Variants in ACACA observed in about 807,000 individuals in gnomAD.
The protein encoded by ACACA is acetyl-CoA carboxylase alpha.
ACACA carries 103 observed loss-of-function variants against 296.1 expected under a neutral mutation model. The ratio of observed to expected loss-of-function variants is 0.35; its 90% CI spans 0.30 to 0.41. The LOEUF is 0.41. ACACA is among the 10% of genes least tolerant of loss of function. ACACA has a pLI of 1.00. For missense variants in ACACA, 1,554 were observed against 2,989.7 expected (o/e 0.52, Z 11.20); for synonymous variants, 953 against 1,038.6 (o/e 0.92, Z 1.58).
chr17:37,362,651 T>C (rs1322131087), intron 1 of ACACA, among the ~76,000 whole-genome samples: 5 of 152,186 alleles, frequency 3.3e-5, no homozygotes, highest in Admixed American at 3.3e-4. Context: ...TCTCAAAGCA[T>C]GTCCCACTAA....
At chr17:37,372,688 T>TA (rs2049852475) in intron 1 of ACACA, among the ~76,000 whole-genome samples, 1 of 152,178 alleles carries the variant, frequency 6.6e-6, no homozygotes, top group Admixed American at 6.6e-5. Context: ...CTGAACTGCA[T>TA]ATGTCATAAA....
chr17:37,366,861 T>C (rs1568061272), intron 1 of ACACA: 1 of 151,860 alleles, frequency 6.6e-6, no homozygotes. Flanking sequence ...GCCAAGGCAA[T>C]AGGGTTACCT....
At chr17:37,379,062 G>A in intron 1 of ACACA, 2 of 1,482,202 alleles carry the variant, frequency 1.3e-6, no homozygotes, top group Non-Finnish European at 9.0e-7. Context: ...ACAGAGCAAG[G>A]CACCGTCTCA....
intron 41 of ACACA, among the ~76,000 whole-genome samples, chr17:37,169,780 T>G (rs2076816024): frequency 6.6e-6 from 1 of 152,150 alleles, no homozygotes; most frequent in Admixed American, 6.5e-5. Flanking sequence ...TCCCTCTTTT[T>G]GGGGGTCTTC....
intron 1 of ACACA, among the ~76,000 whole-genome samples, chr17:37,405,098 T>C (rs534674135): frequency 3.9e-5 from 6 of 152,220 alleles, no homozygotes; most frequent in Non-Finnish European, 8.8e-5. Context: ...GCTTCTCTTC[T>C]AGGATAGTTT....
At position 37,223,492 on chromosome 17, in the gene ACACA, C is replaced by T. The variant is rs142810733; in HGVS notation, c.3564+20G>A. 3.7e-5 allele frequency: 57 copies of T among 1,544,348 alleles called. No homozygotes were observed. The African/African-American group carries it at 6.1e-4, about 17-fold the overall frequency. On this transcript the variant is annotated intron_variant, in intron 28 of 55. Coordinates refer to ENST00000616317, the MANE Select transcript of ACACA (RefSeq NM_198834.3). ...TAGAAACAAAGGAAAAGGTCATGTCCCATTACCATAAATACTTACCTCCAG... is the reference window on the plus strand; with the variant it reads ...TAGAAACAAAGGAAAAGGTCATGTCTCATTACCATAAATACTTACCTCCAG...
Position 37,113,390 on chromosome 17 carries a change from C to T in ACACA, c.6275-125G>A. The T allele has an allele frequency of 1.1e-6, 1 of 938,006 alleles. No homozygotes were observed. Among genetic ancestry groups the T allele is most frequent in the Non-Finnish European group, 1.7e-6 (1 of 593,130 alleles). 58.1% of individuals were successfully genotyped at this position (938,006 alleles called of 1,614,324 possible). A position where few individuals can be genotyped will look rare whatever the true frequency, so the allele number is the denominator to read the frequency against. On this transcript the variant is annotated intron_variant, in intron 50 of 55. Coordinates refer to ENST00000616317, the MANE Select transcript of ACACA (RefSeq NM_198834.3). This position sits in a 1 kb window ranked among gnomAD's most constrained non-coding sequence, Gnocchi z 4.0. ...ATACTATGCCTCCTGTTTGGCCACC[C>T]TATAGACTAAAGGGAGTATCGACCT...
intron 52 of ACACA, among the ~76,000 whole-genome samples, chr17:37,101,794 G>A (rs1326344542): frequency 2.6e-5 from 4 of 152,180 alleles, no homozygotes; most frequent in Non-Finnish European, 5.9e-5. Context: ...TAAGAGTTGT[G>A]TCTCTTGTTA....
chr17:37,299,636 G>A (rs1237609752), intron 3 of ACACA: 5 of 1,149,710 alleles, frequency 4.3e-6, no homozygotes, highest in Non-Finnish European at 5.4e-6. Flanking sequence ...GAGCCGGGGA[G>A]AAATATAAAA....
chr17:37,181,711 AAC>A (rs1249615525), intron 39 of ACACA, among the ~76,000 whole-genome samples: 1 of 151,868 alleles, frequency 6.6e-6, no homozygotes, highest in Non-Finnish European at 1.5e-5. Flanking sequence ...CATCCTGGCT[AAC>A]ATGGTGAAAC....
rs370086814 is a variant in ACACA at position 37,129,549 on chromosome 17, A to G, written c.5824-64T>C. On this transcript the variant is annotated intron_variant, in intron 46 of 55. Transcript: ENST00000616317. The stretch of plus-strand genomic sequence containing the variant: ...CGACAGCCCTAGACTCCAACTCAGC[A>G]ACAATAGTTATAGACAAAGACAGCA... The G allele has an allele frequency of 7.8e-5, 125 of 1,606,720 alleles. No individual in the cohort carries two copies. In the African/African-American group the frequency reaches 1.4e-3, roughly 19 times the overall value.
At chr17:37,339,902 T>G (rs1051545417) in intron 1 of ACACA, 52 bp from the exon 2 acceptor site, 1 of 936,322 alleles carries the variant, frequency 1.1e-6, no homozygotes, top group African/African-American at 1.6e-5. Context: ...AAACAAACTT[T>G]TGTCAATTCC....
chr17:37,155,632 A>G, intron 43 of ACACA, 51 bp downstream of exon 43: 1 of 1,218,912 alleles, frequency 8.2e-7, no homozygotes, highest in African/African-American at 1.5e-5. Flanking sequence ...AAAATACCAT[A>G]TTCTCCTTTC....
chr17:37,401,719 C>A (rs757831268), intron 1 of ACACA, among the ~76,000 whole-genome samples: 2 of 152,066 alleles, frequency 1.3e-5, no homozygotes, highest in African/African-American at 4.8e-5. Flanking sequence ...CTATCATGCC[C>A]AGCTAATTTT....
chr17:37,180,278 AG>A (rs1598086692), intron 40 of ACACA, among the ~76,000 whole-genome samples: 2 of 152,332 alleles, frequency 1.3e-5, no homozygotes, highest in East Asian at 3.9e-4. Flanking sequence ...ATGCTATAAA[AG>A]GGAAATACCG....
At chr17:37,231,279 T>C (rs1331186644) in intron 25 of ACACA, among the ~76,000 whole-genome samples, 4 of 149,146 alleles carry the variant, frequency 2.7e-5, no homozygotes, top group East Asian at 2.0e-4. Flanking sequence ...GAAACCAACA[T>C]AGTCCAACTT....
chr17:37,388,734 C>T (rs543104882), intron 1 of ACACA: 2 of 1,612,350 alleles, frequency 1.2e-6, no homozygotes, highest in Non-Finnish European at 1.7e-6. Context: ...TGATTGCTGT[C>T]ACCCTGTTGC....
Position 37,259,459 on chromosome 17 carries a change from A to T in ACACA, c.1401T>A (p.Asp467Glu). The T allele has an allele frequency of 1.9e-6, 3 of 1,614,222 alleles. No individual in the cohort carries two copies. The highest frequency in any genetic ancestry group is 1.6e-4 in the Middle Eastern group (1 of 6,062). ...TCAATTCCAGAAAGTAGAAGCTGCC[A>T]TCCTGGCTGTACAGGTATTCCACAG... ...AGTVEYLYSQDGSFYFLELNP... is the reference protein window; with the variant it reads ...AGTVEYLYSQEGSFYFLELNP... Residue 467 changes from aspartate (D) to glutamate (E), a missense_variant, in exon 12 of 56, where the codon GAT becomes GAA. Asp to Glu is a conservative substitution (Grantham distance 45). Coordinates refer to ENST00000616317, the MANE Select transcript of ACACA (RefSeq NM_198834.3).
intron 3 of ACACA, among the ~76,000 whole-genome samples, chr17:37,315,342 A>G (rs1357183582): frequency 6.6e-6 from 1 of 152,200 alleles, no homozygotes; most frequent in Non-Finnish European, 1.5e-5. Context: ...CTTATGTCTG[A>G]GCTGTATTTA....
Sources: gnomAD v4.1 joint callset for allele counts (sites outside exome capture counted in the v4.1 genomes callset) on GRCh38, gnomAD v4.1.1 for gene constraint, Gnocchi (gnomAD v3.1) non-coding constraint, MANE v1.5 for transcripts, NCBI Gene and HGNC (gene_info 2026-07-23, HGNC 2026-07-21) for gene names.